MYO1G: variants seen among roughly 807,000 people sequenced by gnomAD.
MYO1G encodes the protein myosin IG, also known as unconventional myosin-Ig.
MYO1G carries 65 observed loss-of-function variants against 115.3 expected under a neutral mutation model. That is an observed-to-expected ratio of 0.56 (90% confidence interval 0.46 to 0.69). MYO1G has a LOEUF of 0.69. Ranked by LOEUF, MYO1G falls within the 30% of genes least tolerant of loss-of-function variation. MYO1G has a pLI of 0.00. For synonymous variants in MYO1G, 510 were observed against 552.6 expected, an observed-to-expected ratio of 0.92 and a Z score of 1.08; for missense variants, 1,204 against 1,393.5, an observed-to-expected ratio of 0.86 and a Z score of 2.16.
Position 44,965,642 on chromosome 7 carries a change from G to C in MYO1G, c.2376C>G (p.Phe792Leu). 6.2e-7 allele frequency: 1 copy of C among 1,612,906 alleles called. No individual in the cohort carries two copies. The change falls in exon 17 of 22, where the codon TTC becomes TTG. Residue 792 changes from phenylalanine (F) to leucine (L), a missense_variant. Transcript: ENST00000258787. Reference sequence around the variant, plus strand: ...TGGTGGGCTGAGAGTAGTACCTGCAGAAGAGTGCGTGGCAGGTGTCCTGGA... The same window carrying C: ...TGGTGGGCTGAGAGTAGTACCTGCACAAGAGTGCGTGGCAGGTGTCCTGGA... ...QPFQDTCHAL[F>L]CRWRARQLVK... is the part of the protein sequence containing the mutation.
At chr7:44,978,344 A>C (rs1795118463) in intron 1 of MYO1G, among the ~76,000 whole-genome samples, 1 of 152,156 alleles carries the variant, frequency 6.6e-6, no homozygotes, top group Non-Finnish European at 1.5e-5. Flanking sequence ...CCCCAGGAGA[A>C]TGTCACCTCA....
At chr7:44,973,213 G>A (rs1794991041) in intron 5 of MYO1G, 1 of 151,448 alleles carries the variant, frequency 6.6e-6, no homozygotes, top group South Asian at 2.1e-4. Flanking sequence ...CCCACCTCAG[G>A]GAAGCTCAGA....
intron 5 of MYO1G, chr7:44,973,114 A>C (rs1185766090): frequency 6.6e-6 from 1 of 152,190 alleles, no homozygotes; most frequent in African/African-American, 2.4e-5. Flanking sequence ...AGGAGCTCAG[A>C]GACCATAGAG....
chr7:44,967,844 G>A lies in MYO1G; in HGVS notation c.1649+40C>T, dbSNP rs1460861852. On this transcript the variant is annotated intron_variant, in intron 13 of 21. Transcript: ENST00000258787. ...ACCCCAGAGTCTCTGGGGCCCCAGG[G>A]CCCTGGCCCTCCCTATGGTGCCCAG... 5 of 1,613,154 alleles carry A rather than the reference G, an allele frequency of 3.1e-6. No individual in the cohort carries two copies. The South Asian group carries it at 5.5e-5, about 18-fold the overall frequency.
intron 1 of MYO1G, 138 bp from the exon 2 acceptor site, chr7:44,977,209 G>A: frequency 1.3e-6 from 1 of 775,092 alleles, no homozygotes; most frequent in Non-Finnish European, 2.0e-6. Flanking sequence ...GAAGGAAGAA[G>A]GGGGCAGGTG....
At position 44,977,131 on chromosome 7, in the gene MYO1G, C is replaced by T. The variant is rs114547743; in HGVS notation, c.96-60G>A. ...GGCTTACAGGCACCCACAGGCCTTT[C>T]GCCAGAGCCCATATCAGGGCCTGGC... On this transcript the variant is annotated intron_variant, in intron 1 of 21. Coordinates refer to ENST00000258787, the MANE Select transcript of MYO1G (RefSeq NM_033054.3). 743 of 1,535,818 alleles carry T rather than the reference C, an allele frequency of 4.8e-4. 1 individual carries two copies. The African/African-American group carries it at 6.6e-3, about 14-fold the overall frequency.
intron 5 of MYO1G, 60 bp from the exon 6 acceptor site, chr7:44,972,285 A>G (rs537205024): frequency 1.9e-5 from 23 of 1,223,278 alleles, no homozygotes; most frequent in Non-Finnish European, 2.7e-5. Flanking sequence ...CTGTACACAC[A>G]CACAGGCAGG....
At position 44,975,581 on chromosome 7, in the gene MYO1G, T is replaced by A; in HGVS notation, c.467A>T (p.Asn156Ile). Reference protein sequence around the residue: ...EAFGNARTNRNHNSSRFGKYM... With the variant: ...EAFGNARTNRIHNSSRFGKYM... Reference sequence around the variant, plus strand: ...CTTGCCAAAGCGGCTGGAGTTGTGATTGCGGTTGGTGCGGGCATTGCCAAA... The same window carrying A: ...CTTGCCAAAGCGGCTGGAGTTGTGAATGCGGTTGGTGCGGGCATTGCCAAA... The change falls in exon 4 of 22, where the codon AAT becomes ATT. Residue 156 changes from asparagine (N) to isoleucine (I), a missense_variant. Physicochemically the swap from Asn to Ile is moderately radical, Grantham distance 149. Coordinates refer to ENST00000258787, the MANE Select transcript of MYO1G (RefSeq NM_033054.3). 1 of 1,613,972 alleles carries A rather than the reference T, an allele frequency of 6.2e-7. No individual in the cohort carries two copies. The highest frequency in any genetic ancestry group is 8.5e-7 in the Non-Finnish European group (1 of 1,179,916).
chr7:44,965,334 A>G (rs1156629156), intron 17 of MYO1G, among the ~76,000 whole-genome samples: 1 of 151,688 alleles, frequency 6.6e-6, no homozygotes, highest in Admixed American at 6.6e-5. Context: ...CTTCTGGAGA[A>G]CTCCTACTCA....
rs941885120 is a variant in MYO1G, at chr7:44,963,814, TGA to T, written c.2745+233_2745+234del. 3.6e-5 allele frequency: 19 copies of T among 533,038 alleles called. No individual in the cohort carries two copies. The highest frequency in any genetic ancestry group is 6.4e-5 in the Non-Finnish European group (19 of 296,476). The allele number at this position is 533,038 out of a possible 1,614,324, so 33.0% of individuals were successfully genotyped here. Reference sequence around the variant, plus strand: ...GGGACCATTTGGCTTGGCTAGAGTGTGAGAGTGGGGGTGGGGGGTGACTGGGC... The same window carrying T: ...GGGACCATTTGGCTTGGCTAGAGTGTGAGTGGGGGTGGGGGGTGACTGGGC... On this transcript the variant is annotated intron_variant, in intron 20 of 21. Transcript: ENST00000258787. The surrounding 1 kb of genome is among the most constrained non-coding windows in gnomAD (Gnocchi z 4.1).
intron 7 of MYO1G, 81 bp downstream of exon 7, chr7:44,971,592 C>T: frequency 9.7e-7 from 1 of 1,026,972 alleles, no homozygotes. Context: ...TCCAGCCAGT[C>T]TCCTCCTCAT....
chr7:44,966,308 C>T lies in MYO1G; in HGVS notation c.1950-28G>A. 1 of 1,563,008 alleles carries T rather than the reference C, an allele frequency of 6.4e-7. No individual in the cohort carries two copies. The highest frequency in any genetic ancestry group is 1.2e-5 in the South Asian group (1 of 86,586). On this transcript the variant is annotated intron_variant, in intron 15 of 21. Transcript: ENST00000258787. This position sits in a 1 kb window ranked among gnomAD's most constrained non-coding sequence, Gnocchi z 5.0. Reference sequence around the variant, plus strand: ...GTCACCACAGGACAGGGCAGTGTGGCCCAGGCCTGGGGGAGAGATGATGGA... The same window carrying T: ...GTCACCACAGGACAGGGCAGTGTGGTCCAGGCCTGGGGGAGAGATGATGGA...
rs1463950578 is a variant in MYO1G at position 44,971,029 on chromosome 7, C to A, written c.877G>T (p.Gly293Cys). 2 of 1,612,650 alleles carry A rather than the reference C, an allele frequency of 1.2e-6. No individual in the cohort carries two copies. The highest frequency in any genetic ancestry group is 1.7e-6 in the Non-Finnish European group (2 of 1,179,826). The part of the protein sequence containing the change: ...GNIEFVETEE[G>C]GLQKEGLAVA... ...GCCAGGCCCTCCTTCTGCAGCCCAC[C>A]CTCCTCCGTCTCCACAAACTCGATG... Residue 293 changes from glycine to cysteine, a missense_variant, in exon 8 of 22, where the codon GGT becomes TGT. Physicochemically the swap from Gly to Cys is radical, Grantham distance 159. Coordinates refer to ENST00000258787, the MANE Select transcript of MYO1G (RefSeq NM_033054.3).
At chr7:44,970,480 G>C in intron 9 of MYO1G, 112 bp downstream of exon 9, 5 of 1,432,080 alleles carry the variant, frequency 3.5e-6, no homozygotes, top group Non-Finnish European at 4.7e-6. Flanking sequence ...CCAGGGACCA[G>C]CCGGGAGAAA....
In MYO1G at chr7:44,966,720, C is replaced by T. The variant is rs534900639; in HGVS notation, c.1901G>A (p.Arg634His). 1.3e-5 allele frequency: 21 copies of T among 1,613,218 alleles called. No homozygotes were observed. Among genetic ancestry groups the T allele is most frequent in the East Asian group, 2.2e-5 (1 of 44,860 alleles). ...CTGGCGGGAAGCGAAGCCAGCCCTG[C>T]GGACCCTCACATTCTCCAGCAGCCC... ...YLGLLENVRVRRAGFASRQPY... is the reference protein window; with the variant it reads ...YLGLLENVRVHRAGFASRQPY... Residue 634 changes from arginine to histidine, a missense_variant, in exon 15 of 22, where the codon CGC (arginine) becomes CAC (histidine). Transcript: ENST00000258787. This position sits in a 1 kb window ranked among gnomAD's most constrained non-coding sequence, Gnocchi z 5.0.
rs762899403 is a variant in MYO1G at position 44,978,956 on chromosome 7, C to G, written c.6G>C (p.Glu2Asp). Residue 2 changes from glutamate to aspartate, a missense_variant, in exon 1 of 22, where the codon GAG becomes GAC. By Grantham distance (45) the Glu-to-Asp change is conservative. Transcript: ENST00000258787. M[E>D]DEEGPEYGKP... is the part of the protein sequence containing the mutation. ...TGCCATACTCAGGGCCTTCCTCGTC[C>G]TCCATCCTGCCGGCTGGAAACACCT... 6.2e-7 allele frequency: 1 copy of G among 1,614,034 alleles called. No homozygotes were observed. The highest frequency in any genetic ancestry group is 1.1e-5 in the South Asian group (1 of 91,092).
rs1024594450 is a variant in MYO1G, at chr7:44,962,913, G to C, written c.2901-18C>G. On this transcript the variant is annotated intron_variant, in intron 21 of 21. Coordinates refer to ENST00000258787, the MANE Select transcript of MYO1G (RefSeq NM_033054.3). This position sits in a 1 kb window ranked among gnomAD's most constrained non-coding sequence, Gnocchi z 5.3. ...GGCCCTCCCTGCGGCAGGAGGAGGG[G>C]TCAGGGCGGCCACGCGGCCGGGGCT... 1.3e-6 allele frequency: 2 copies of C among 1,498,946 alleles called. No individual in the cohort carries two copies. The highest frequency in any genetic ancestry group is 2.6e-5 in the South Asian group (2 of 77,930). The allele number at this position is 1,498,946 out of a possible 1,614,324, so 92.9% of individuals were successfully genotyped here.
rs1005506610 is a variant in MYO1G at position 44,975,372 on chromosome 7, G to A, written c.564+112C>T. 6.6e-6 allele frequency: 10 copies of A among 1,515,984 alleles called. No individual in the cohort carries two copies. In the African/African-American group the frequency reaches 1.2e-4, roughly 19 times the overall value. The allele number at this position is 1,515,984 out of a possible 1,614,324, so 93.9% of individuals were successfully genotyped here. ...CTGAGGCCCAGAGAAGGGCCACAGG[G>A]AGAGACAGCCCAGCCCTCCTAAGCT... On this transcript the variant is annotated intron_variant, in intron 4 of 21. Coordinates refer to ENST00000258787, the MANE Select transcript of MYO1G (RefSeq NM_033054.3).
In MYO1G at chr7:44,963,174, C is replaced by T; in HGVS notation, c.2746-50G>A. The T allele has an allele frequency of 8.7e-6, 12 of 1,385,702 alleles. No homozygotes were observed. Among genetic ancestry groups the T allele is most frequent in the Non-Finnish European group, 9.3e-6 (10 of 1,075,040 alleles). The allele number at this position is 1,385,702 out of a possible 1,614,324, so 85.8% of individuals were successfully genotyped here. ...GCAGCCGCCTCAACCCGCACCCCAGCCTAGCCGGACTCACCCCCTCCCCAG... is the reference window on the plus strand; with the variant it reads ...GCAGCCGCCTCAACCCGCACCCCAGTCTAGCCGGACTCACCCCCTCCCCAG... On this transcript the variant is annotated intron_variant, in intron 20 of 21. Coordinates refer to ENST00000258787, the MANE Select transcript of MYO1G (RefSeq NM_033054.3). This position sits in a 1 kb window ranked among gnomAD's most constrained non-coding sequence, Gnocchi z 4.1.
Sources: gnomAD v4.1 joint callset for allele counts (sites outside exome capture counted in the v4.1 genomes callset) on GRCh38, gnomAD v4.1.1 for gene constraint, Gnocchi (gnomAD v3.1) non-coding constraint, MANE v1.5 for transcripts, NCBI Gene and HGNC (gene_info 2026-07-23, HGNC 2026-07-21) for gene names.